Variants in ROBO2 observed in about 807,000 individuals in gnomAD.
ROBO2 encodes the protein roundabout homolog 2.
Under a neutral mutation model 160.8 loss-of-function variants are expected in ROBO2, and 53 were observed. That is an observed-to-expected ratio of 0.33 (90% CI 0.26 to 0.41). The LOEUF (loss-of-function observed/expected upper bound fraction) is 0.41, where lower values mean the gene tolerates loss of function less well. Ranked by LOEUF, ROBO2 falls within the 10% of genes least tolerant of loss-of-function variation. The pLI is 1.00. For missense variants in ROBO2, 1,577 were observed against 1,722.4 expected, an observed-to-expected ratio of 0.92 and a Z score of 1.49; for synonymous variants, 664 against 611.7, an observed-to-expected ratio of 1.09 and a Z score of -1.26.
chr3:77,062,701 G>A (rs1322223375), intron 1 of ROBO2, among the ~76,000 whole-genome samples: 1 of 152,118 alleles, frequency 6.6e-6, no homozygotes, highest in African/African-American at 2.4e-5. Flanking sequence ...CCACCACACT[G>A]CAAGGTACTT....
intron 21 of ROBO2, among the ~76,000 whole-genome samples, chr3:77,609,736 T>A (rs1255666227): frequency 6.7e-6 from 1 of 150,220 alleles, no homozygotes; most frequent in Non-Finnish European, 1.5e-5. Context: ...ATTTTCAGTA[T>A]AATTAAGATA....
chr3:76,476,655 A>G (rs539850673), intron 2 of ROBO2, among the ~76,000 whole-genome samples: 15 of 152,268 alleles, frequency 9.9e-5, no homozygotes, highest in Admixed American at 9.8e-4. Flanking sequence ...TTCTGCCACT[A>G]TTGGCATGAA....
intron 2 of ROBO2, among the ~76,000 whole-genome samples, chr3:76,875,022 A>G (rs1409679985): frequency 6.6e-6 from 1 of 152,190 alleles, no homozygotes; most frequent in African/African-American, 2.4e-5. Context: ...GTTGAATGAA[A>G]CTAATGGCCA....
At chr3:77,101,532 G>A (rs1358639557) in intron 2 of ROBO2, among the ~76,000 whole-genome samples, 2 of 152,264 alleles carry the variant, frequency 1.3e-5, no homozygotes, top group South Asian at 2.1e-4. Context: ...TTGAAGCCAC[G>A]GAAGTATATA....
chr3:75,913,275 G>A (rs2324399), intron 1 of ROBO2, among the ~76,000 whole-genome samples: 3 of 152,242 alleles, frequency 2.0e-5, no homozygotes, highest in Admixed American at 6.5e-5. Context: ...CATGGATGAC[G>A]TGGGATAATC....
intron 2 of ROBO2, among the ~76,000 whole-genome samples, chr3:76,170,518 C>G (rs968564385): frequency 6.6e-6 from 1 of 152,104 alleles, no homozygotes; most frequent in Non-Finnish European, 1.5e-5. Context: ...TTTTATACTA[C>G]GCAAATTAGA....
intron 2 of ROBO2, among the ~76,000 whole-genome samples, chr3:76,075,900 C>G (rs565815633): frequency 1.3e-5 from 2 of 152,286 alleles, no homozygotes; most frequent in South Asian, 4.1e-4. Context: ...CTTGTCCTAG[C>G]TCTAAGCAAC....
At chr3:76,731,665 T>C (rs2093639821) in intron 2 of ROBO2, among the ~76,000 whole-genome samples, 1 of 152,170 alleles carries the variant, frequency 6.6e-6, no homozygotes, top group East Asian at 1.9e-4. Flanking sequence ...TGCAGAAACA[T>C]AGAAAGAACT....
intron 2 of ROBO2, among the ~76,000 whole-genome samples, chr3:76,659,212 T>G (rs1036887128): frequency 6.6e-6 from 1 of 151,192 alleles, no homozygotes; most frequent in African/African-American, 2.4e-5. Flanking sequence ...GATGATTTAT[T>G]GTAATGCAAT....
chr3:77,555,513 T>A (rs755149417), intron 8 of ROBO2, among the ~76,000 whole-genome samples: 18 of 152,074 alleles, frequency 1.2e-4, no homozygotes, highest in South Asian at 2.1e-4. Context: ...TATACTTGAG[T>A]TTCAATATAT....
intron 2 of ROBO2, among the ~76,000 whole-genome samples, chr3:76,583,716 T>G (rs1045824434): frequency 6.6e-6 from 1 of 152,116 alleles, no homozygotes; most frequent in Non-Finnish European, 1.5e-5. Flanking sequence ...CCCAGTGTAT[T>G]TATTTATTGT....
chr3:76,225,364 T>A (rs1704221417), intron 2 of ROBO2, among the ~76,000 whole-genome samples: 1 of 152,206 alleles, frequency 6.6e-6, no homozygotes, highest in African/African-American at 2.4e-5. Context: ...GGTATTACTT[T>A]ACTGACAAAT....
At chr3:76,545,299 C>G (rs940647514) in intron 2 of ROBO2, among the ~76,000 whole-genome samples, 4 of 151,854 alleles carry the variant, frequency 2.6e-5, no homozygotes, top group Admixed American at 6.6e-5. Flanking sequence ...TTATCTATGT[C>G]GGACAATCAA....
At chr3:76,642,341 C>CT (rs71104611) in intron 2 of ROBO2, among the ~76,000 whole-genome samples, 6,819 of 62,180 alleles carry the variant, frequency 0.11, 2,098 homozygotes, top group Non-Finnish European at 0.13. Context: ...TTTACACTTG[C>CT]TTTTTTTTTT....
At chr3:76,604,079 AC>A (rs2087453320) in intron 2 of ROBO2, among the ~76,000 whole-genome samples, 1 of 152,170 alleles carries the variant, frequency 6.6e-6, no homozygotes, top group South Asian at 2.1e-4. Flanking sequence ...ATGAGTAGAT[AC>A]TAAGTTCTGT....
At chr3:77,477,641 T>TTG in intron 3 of ROBO2, 70 bp downstream of exon 3, 2 of 1,407,590 alleles carry the variant, frequency 1.4e-6, no homozygotes, top group Non-Finnish European at 2.0e-6. Context: ...TAGATGTATT[T>TTG]TATTCTTTAA....
In ROBO2 at chr3:76,633,051, C is replaced by T. The variant is rs377336720; in HGVS notation, c.110-464963C>T. Among the ~76,000 whole-genome samples the T allele has an allele frequency of 3.9e-5, 6 of 152,166 alleles. No individual in the cohort carries two copies. In the East Asian group the frequency reaches 1.2e-3, roughly 29 times the overall value. On this transcript the variant is annotated intron_variant, in intron 2 of 26. Transcript: ENST00000487694. ...AGGGAAAGATGTCACAACATGTTTA[C>T]AGGATTATTGTAATTCTAATTAAAC...
chr3:77,188,447 C>G (rs1184107703), intron 2 of ROBO2, among the ~76,000 whole-genome samples: 1 of 151,696 alleles, frequency 6.6e-6, no homozygotes, highest in Middle Eastern at 3.2e-3. Flanking sequence ...CATCAGTGCC[C>G]CAGAAACAAA....
chr3:76,737,905 G>A (rs1474454447), intron 2 of ROBO2, among the ~76,000 whole-genome samples: 1 of 152,180 alleles, frequency 6.6e-6, no homozygotes, highest in African/African-American at 2.4e-5. Flanking sequence ...CCAGCACTTT[G>A]GGAGGCACAG....
Sources: allele counts gnomAD v4.1 joint callset (sites outside exome capture counted in the v4.1 genomes callset), GRCh38; gene constraint gnomAD v4.1.1; transcripts MANE v1.5; gene names NCBI Gene and HGNC (gene_info 2026-07-23, HGNC 2026-07-21).